The following DIP2C variants were observed in gnomAD, a reference collection of about 807,000 sequenced individuals.
DIP2C encodes the protein disco-interacting protein 2 homolog C.
Under a neutral mutation model 192.4 loss-of-function variants are expected in DIP2C, and 33 were observed. The ratio of observed to expected loss-of-function variants is 0.17; its 90% CI spans 0.13 to 0.23. DIP2C has a LOEUF of 0.23. Ranked by LOEUF, DIP2C falls within the 10% of genes least tolerant of loss-of-function variation. DIP2C has a pLI of 1.00. For synonymous variants in DIP2C, 979 were observed against 864.1 expected (o/e 1.13, Z -2.33); for missense variants, 1,537 against 2,110.1 (o/e 0.73, Z 5.32).
At chr10:341,581 C>A (rs914745704) in intron 28 of DIP2C, among the ~76,000 whole-genome samples, 3 of 152,056 alleles carry the variant, frequency 2.0e-5, no homozygotes, top group East Asian at 1.9e-4. Context: ...GGGCCTGACA[C>A]CCTCAGACAC....
intron 1 of DIP2C, chr10:664,527 A>G (rs1856969944): frequency 6.6e-6 from 1 of 152,218 alleles, no homozygotes; most frequent in African/African-American, 2.4e-5. Context: ...ATCCAATAAA[A>G]TGACACACAT....
intron 1 of DIP2C, among the ~76,000 whole-genome samples, chr10:605,901 C>A (rs1852424605): frequency 6.6e-6 from 1 of 152,336 alleles, no homozygotes; most frequent in African/African-American, 2.4e-5. Flanking sequence ...ACGGAGCCCA[C>A]TGCAGCCTTT....
rs140464295 is a variant in DIP2C at position 418,616 on chromosome 10, C to T, written c.739+449G>A. On this transcript the variant is annotated intron_variant, in intron 6 of 36. Coordinates refer to ENST00000280886, the MANE Select transcript of DIP2C (RefSeq NM_014974.3). ...CCAAGTCACCGATATCTCTGTCCAA[C>T]GTGGATAAAAAGACCCTCTTTCCTC... Among the ~76,000 whole-genome samples the T allele has an allele frequency of 2.5e-3, 383 of 152,322 alleles. 2 individuals carry two copies. The highest frequency in any genetic ancestry group is 8.9e-3 in the African/African-American group (370 of 41,570).
chr10:673,845 GA>G (rs1219877530), intron 1 of DIP2C, among the ~76,000 whole-genome samples: 1 of 152,186 alleles, frequency 6.6e-6, no homozygotes, highest in African/African-American at 2.4e-5. Flanking sequence ...TACTAGGGGC[GA>G]AACAGAAAAT....
intron 17 of DIP2C, among the ~76,000 whole-genome samples, chr10:370,701 TCAC>T (rs570651420): frequency 5.3e-5 from 8 of 152,214 alleles, no homozygotes; most frequent in Non-Finnish European, 1.2e-4. Context: ...TCTAAGTGAG[TCAC>T]CACAATTTAG....
In DIP2C at chr10:575,292, T is replaced by C. The variant is rs544177691; in HGVS notation, c.86-88762A>G. Among the ~76,000 whole-genome samples, 5 of 152,342 alleles carry C rather than the reference T, an allele frequency of 3.3e-5. No homozygotes were observed. In the South Asian group the frequency reaches 1.0e-3, roughly 32 times the overall value. On this transcript the variant is annotated intron_variant, in intron 1 of 36. Transcript: ENST00000280886. ...GTATCGCAAAATCCAGTCTTTGTGA[T>C]TGCTTTTATAAAAAGTAAAATTCTC...
chr10:430,530 T>C (rs893494118), intron 4 of DIP2C: 2 of 152,212 alleles, frequency 1.3e-5, no homozygotes, highest in African/African-American at 4.8e-5. Context: ...TCAGATTGAT[T>C]GTTTTGTTAT....
In DIP2C at chr10:590,497, A is replaced by G. The variant is rs1231228896; in HGVS notation, c.85+98997T>C. Among the ~76,000 whole-genome samples the G allele has an allele frequency of 2.6e-5, 4 of 152,228 alleles. No homozygotes were observed. The South Asian group carries it at 6.2e-4, about 24-fold the overall frequency. ...GAGGAACTTGCTGGTATCTTACGGCATATCGACATGTTCCTTTAAAATCAG... is the reference window on the plus strand; with the variant it reads ...GAGGAACTTGCTGGTATCTTACGGCGTATCGACATGTTCCTTTAAAATCAG... On this transcript the variant is annotated intron_variant, in intron 1 of 36. Coordinates refer to ENST00000280886, the MANE Select transcript of DIP2C (RefSeq NM_014974.3).
intron 1 of DIP2C, among the ~76,000 whole-genome samples, chr10:604,886 G>C (rs1289734551): frequency 6.6e-6 from 1 of 152,172 alleles, no homozygotes; most frequent in East Asian, 1.9e-4. Flanking sequence ...CCTCGGCTGG[G>C]CACCCGAGTT....
At chr10:468,994 CCAT>C (rs1204057744) in intron 3 of DIP2C, among the ~76,000 whole-genome samples, 1 of 151,956 alleles carries the variant, frequency 6.6e-6, no homozygotes, top group Non-Finnish European at 1.5e-5. Context: ...GAATTGGAGA[CCAT>C]CATCTGTGCA....
At chr10:668,927 A>T (rs1564327108) in intron 1 of DIP2C, 1 of 152,138 alleles carries the variant, frequency 6.6e-6, no homozygotes, top group Non-Finnish European at 1.5e-5. Context: ...AGCCTCAGTC[A>T]TCCCTCGGAA....
At chr10:549,181 ACTG>A (rs1213446046) in intron 1 of DIP2C, among the ~76,000 whole-genome samples, 2 of 152,064 alleles carry the variant, frequency 1.3e-5, no homozygotes, top group Non-Finnish European at 2.9e-5. Flanking sequence ...AATTCAATCA[ACTG>A]CTAAGTGCGA....
At chr10:533,385 C>T (rs940569458) in intron 1 of DIP2C, among the ~76,000 whole-genome samples, 3 of 152,090 alleles carry the variant, frequency 2.0e-5, no homozygotes, top group South Asian at 2.1e-4. Flanking sequence ...TTCTCAAGGC[C>T]GCACAGCCCG....
At chr10:350,208 A>C (rs569734117) in intron 24 of DIP2C, among the ~76,000 whole-genome samples, 2 of 152,020 alleles carry the variant, frequency 1.3e-5, no homozygotes, top group African/African-American at 2.4e-5. Flanking sequence ...CTCAGCCCCA[A>C]GTAGCTGGGA....
At chr10:545,166 C>CCCTTTTT (rs1554896881) in intron 1 of DIP2C, among the ~76,000 whole-genome samples, 1 of 86,334 alleles carries the variant, frequency 1.2e-5, no homozygotes, top group African/African-American at 5.7e-5. Flanking sequence ...GGTGTTTTCC[C>CCCTTTTT]TTTTTTTTTT....
intron 1 of DIP2C, among the ~76,000 whole-genome samples, chr10:681,210 C>A (rs1831119458): frequency 6.6e-6 from 1 of 151,580 alleles, no homozygotes; most frequent in South Asian, 2.1e-4. Flanking sequence ...CATGGTACAG[C>A]CACCATCTAT....
chr10:356,454 T>C lies in DIP2C; in HGVS notation c.2957A>G (p.His986Arg). 1 of 1,611,840 alleles carries C rather than the reference T, an allele frequency of 6.2e-7. No homozygotes were observed. Among genetic ancestry groups the C allele is most frequent in the Non-Finnish European group, 8.5e-7 (1 of 1,179,888 alleles). Reference protein sequence around the residue: ...LQWRAQTTPDHILYTLLNCRG... With the variant: ...LQWRAQTTPDRILYTLLNCRG... ...ACAGTTGAGCAGCGTGTAGAGGATG[T>C]GGTCCGGGGTGGTCTGTGCTCTCCA... Residue 986 changes from histidine (H) to arginine (R), a missense_variant, in exon 24 of 37, where the codon CAC becomes CGC. Physicochemically the swap from His to Arg is conservative, Grantham distance 29. Transcript: ENST00000280886.
intron 1 of DIP2C, among the ~76,000 whole-genome samples, chr10:670,096 A>G (rs1427567661): frequency 1.3e-5 from 2 of 152,192 alleles, no homozygotes; most frequent in Non-Finnish European, 2.9e-5. Flanking sequence ...ATGCATACAC[A>G]CACATCCACA....
chr10:532,267 C>T (rs1429805019), intron 1 of DIP2C, among the ~76,000 whole-genome samples: 2 of 152,102 alleles, frequency 1.3e-5, no homozygotes, highest in African/African-American at 2.4e-5. Context: ...AAAGCCCTGC[C>T]CCCACCTCCA....
Sources: gnomAD v4.1 joint callset for allele counts (sites outside exome capture counted in the v4.1 genomes callset) on GRCh38, gnomAD v4.1.1 for gene constraint, MANE v1.5 for transcripts, NCBI Gene and HGNC (gene_info 2026-07-23, HGNC 2026-07-21) for gene names.